The following DTHD1 variants were observed in gnomAD, a reference collection of about 807,000 sequenced individuals.
DTHD1 encodes death domain-containing protein 1.
DTHD1 carries 59 observed loss-of-function variants against 74.8 expected under a neutral mutation model. The ratio of observed to expected loss-of-function variants is 0.79; its 90% CI spans 0.64 to 0.98. The LOEUF is 0.98. Ranked by LOEUF, DTHD1 falls within the 50% of genes least tolerant of loss-of-function variation. DTHD1 has a pLI of 0.00. For missense variants in DTHD1, 1,051 were observed against 1,065.4 expected (o/e 0.99, Z 0.19); for synonymous variants, 365 against 371.1 (o/e 0.98, Z 0.19).
At chr4:36,341,886 GA>G (rs1759333782) in intron 9 of DTHD1, among the ~76,000 whole-genome samples, 1 of 152,200 alleles carries the variant, frequency 6.6e-6, no homozygotes, top group South Asian at 2.1e-4. Context: ...TGGCAGCAAA[GA>G]GCATATTGAG....
intron 8 of DTHD1, among the ~76,000 whole-genome samples, chr4:36,336,356 T>C (rs1759008730): frequency 6.6e-6 from 1 of 151,956 alleles, no homozygotes; most frequent in Non-Finnish European, 1.5e-5. Flanking sequence ...TGGCACCTTT[T>C]GTTGTTGTTG....
chr4:36,342,696 G>C (rs374873847), intron 9 of DTHD1, among the ~76,000 whole-genome samples: 10 of 151,862 alleles, frequency 6.6e-5, no homozygotes, highest in African/African-American at 2.4e-4. Context: ...TGTGTGTGAG[G>C]ATTGGCTAGC....
chr4:36,316,129 G>A (rs1330002522), intron 7 of DTHD1, 113 bp from the exon 8 acceptor site: 1 of 962,358 alleles, frequency 1.0e-6, no homozygotes, highest in Non-Finnish European at 1.5e-6. Context: ...TAGAGACGGG[G>A]TTTCACCATG....
chr4:36,287,456 T>C (rs763762560), intron 2 of DTHD1, among the ~76,000 whole-genome samples: 39 of 152,240 alleles, frequency 2.6e-4, no homozygotes, highest in Non-Finnish European at 4.3e-4. Flanking sequence ...TGAGTATCCA[T>C]GTATCTTTTT....
At chr4:36,312,723 G>T (rs1360182364) in intron 7 of DTHD1, among the ~76,000 whole-genome samples, 1 of 152,212 alleles carries the variant, frequency 6.6e-6, no homozygotes, top group Non-Finnish European at 1.5e-5. Context: ...AACAATGGGA[G>T]CCTGAGATGG....
chr4:36,316,892 C>T (rs1007423777), intron 8 of DTHD1, among the ~76,000 whole-genome samples: 1 of 152,166 alleles, frequency 6.6e-6, no homozygotes, highest in African/African-American at 2.4e-5. Context: ...TTACCAGATT[C>T]TGCATGGTTG....
intron 4 of DTHD1, among the ~76,000 whole-genome samples, chr4:36,293,982 T>G (rs533612215): frequency 2.6e-4 from 39 of 152,128 alleles, no homozygotes; most frequent in African/African-American, 9.4e-4. Context: ...TTGGGAAAAT[T>G]TATGTTGCAT....
chr4:36,344,286 C>T lies in DTHD1; in HGVS notation c.*462C>T, dbSNP rs2109590287. The T allele has an allele frequency of 1.2e-5, 2 of 164,222 alleles. No individual in the cohort carries two copies. Among genetic ancestry groups the T allele is most frequent in the South Asian group, 3.1e-4 (2 of 6,350 alleles). The allele number at this position is 164,222 out of a possible 1,614,324, so 10.2% of individuals were successfully genotyped here. On this transcript the variant is annotated 3_prime_UTR_variant, in exon 10 of 10. Coordinates refer to ENST00000639862, the MANE Select transcript of DTHD1 (RefSeq NM_001170700.3). ...AAGGTTAAGGACAGGCCCGTAACAGCCTCAGAAGATCCTGATGACATATGC... is the reference window on the plus strand; with the variant it reads ...AAGGTTAAGGACAGGCCCGTAACAGTCTCAGAAGATCCTGATGACATATGC...
chr4:36,335,255 A>G (rs1758944343), intron 8 of DTHD1, among the ~76,000 whole-genome samples: 1 of 152,130 alleles, frequency 6.6e-6, no homozygotes, highest in Admixed American at 6.5e-5. Flanking sequence ...GGGTGCTCTC[A>G]TTCTGTCATG....
intron 2 of DTHD1, 56 bp from the exon 3 acceptor site, chr4:36,290,317 C>A: frequency 6.9e-7 from 1 of 1,458,758 alleles, no homozygotes; most frequent in African/African-American, 1.4e-5. Context: ...CTGCATTTAG[C>A]TGTAAAGTAC....
At chr4:36,306,078 A>G in intron 5 of DTHD1, 113 bp from the exon 6 acceptor site, 1 of 1,031,880 alleles carries the variant, frequency 9.7e-7, no homozygotes, top group Non-Finnish European at 1.4e-6. Context: ...CCTGGCACAT[A>G]GTATGTACTT....
chr4:36,284,829 G>A (rs977469348), intron 2 of DTHD1, among the ~76,000 whole-genome samples: 5 of 152,148 alleles, frequency 3.3e-5, no homozygotes, highest in African/African-American at 1.2e-4. Flanking sequence ...CCTTCTTGCT[G>A]TGTCCTCACA....
At chr4:36,311,519 A>G (rs1303086831) in intron 7 of DTHD1, among the ~76,000 whole-genome samples, 1 of 147,664 alleles carries the variant, frequency 6.8e-6, no homozygotes, top group Non-Finnish European at 1.5e-5. Flanking sequence ...TCTCACCTCA[A>G]CTATCATGTT....
chr4:36,284,279 A>G lies in DTHD1; in HGVS notation c.575A>G (p.Glu192Gly). The change falls in exon 2 of 10, where the codon GAA becomes GGA. Residue 192 changes from glutamate to glycine, a missense_variant. Physicochemically the swap from Glu to Gly is moderately conservative, Grantham distance 98. Transcript: ENST00000639862. ...ATGAGTTCAGCATTAGTGGAAAAAGAAAACAATACATCACTGAATGGACGT... is the reference window on the plus strand; with the variant it reads ...ATGAGTTCAGCATTAGTGGAAAAAGGAAACAATACATCACTGAATGGACGT... Reference protein sequence around the residue: ...THMSSALVEKENNTSLNGRVL... With the variant: ...THMSSALVEKGNNTSLNGRVL... 6.5e-7 allele frequency: 1 copy of G among 1,537,228 alleles called. No individual in the cohort carries two copies. Among genetic ancestry groups the G allele is most frequent in the Non-Finnish European group, 8.7e-7 (1 of 1,146,864 alleles).
At chr4:36,306,820 A>C (rs1372494925) in intron 6 of DTHD1, among the ~76,000 whole-genome samples, 1 of 152,230 alleles carries the variant, frequency 6.6e-6, no homozygotes, top group Non-Finnish European at 1.5e-5. Context: ...ACAGGTGATC[A>C]TATATCTAAA....
At chr4:36,324,709 A>T (rs1758240195) in intron 8 of DTHD1, among the ~76,000 whole-genome samples, 1 of 152,388 alleles carries the variant, frequency 6.6e-6, no homozygotes, top group East Asian at 1.9e-4. Context: ...AGGAGATTAC[A>T]GTCCAGTTTA....
Position 36,284,474 on chromosome 4 carries a change from CAAGAG to C in DTHD1, c.777_781del (p.Glu259AspfsTer9), listed in dbSNP as rs2109438066. ...GAAATTCAAGAGACTTCAGAAAGCC[CAAGAG>C]AAGAGATGACCACATCCTCAATAAT... On this transcript the variant is annotated frameshift_variant, in exon 2 of 10. Coordinates refer to ENST00000639862, the MANE Select transcript of DTHD1 (RefSeq NM_001170700.3). LOFTEE classifies it high-confidence loss of function. 1 of 1,536,932 alleles carries C rather than the reference CAAGAG, an allele frequency of 6.5e-7. No homozygotes were observed. Among genetic ancestry groups the C allele is most frequent in the East Asian group, 2.4e-5 (1 of 40,886 alleles).
In DTHD1 at chr4:36,284,504, T is replaced by C. The variant is rs1191747484; in HGVS notation, c.800T>C (p.Ile267Thr). 8 of 1,536,658 alleles carry C rather than the reference T, an allele frequency of 5.2e-6. No homozygotes were observed. The highest frequency in any genetic ancestry group is 1.4e-5 in the African/African-American group (1 of 73,130). ...GAAGAGATGACCACATCCTCAATAATATGTGATATCTCCAAGAAATATATA... is the reference window on the plus strand; with the variant it reads ...GAAGAGATGACCACATCCTCAATAACATGTGATATCTCCAAGAAATATATA... ...PREEMTTSSIICDISKKYINS... is the reference protein window; with the variant it reads ...PREEMTTSSITCDISKKYINS... The change falls in exon 2 of 10, where the codon ATA (isoleucine) becomes ACA (threonine). Residue 267 changes from isoleucine (I) to threonine (T), a missense_variant. Coordinates refer to ENST00000639862, the MANE Select transcript of DTHD1 (RefSeq NM_001170700.3).
chr4:36,342,939 A>AG (rs1759402066), intron 9 of DTHD1, among the ~76,000 whole-genome samples: 2 of 148,904 alleles, frequency 1.3e-5, no homozygotes, highest in African/African-American at 4.9e-5. Flanking sequence ...AAAAAAAAAA[A>AG]TCCCATCGTG....
Sources: gnomAD v4.1 joint callset for allele counts (sites outside exome capture counted in the v4.1 genomes callset) on GRCh38, gnomAD v4.1.1 for gene constraint, MANE v1.5 for transcripts, NCBI Gene and HGNC (gene_info 2026-07-23, HGNC 2026-07-21) for gene names.